Variants in IQSEC1 observed in about 807,000 individuals in gnomAD.
The protein encoded by IQSEC1 is IQ motif and SEC7 domain-containing protein 1.
In IQSEC1, 31 loss-of-function variants were observed where a neutral mutation model predicts 91.0. That is an observed-to-expected ratio of 0.34 (90% confidence interval 0.26 to 0.46). The LOEUF is 0.46. Among genes scored for constraint, IQSEC1 ranks in the 20% least tolerant of loss-of-function variants. The pLI is 1.00. For missense variants in IQSEC1, 1,388 were observed against 1,575.6 expected (o/e 0.88, Z 2.02); for synonymous variants, 699 against 662.6 (o/e 1.05, Z -0.84).
chr3:13,202,871 TC>T (rs1399028856), intron 1 of IQSEC1, among the ~76,000 whole-genome samples: 2 of 152,188 alleles, frequency 1.3e-5, no homozygotes, highest in Non-Finnish European at 2.9e-5. Context: ...ACTGTTAATG[TC>T]CTTTACGCGT....
intron 1 of IQSEC1, among the ~76,000 whole-genome samples, chr3:13,270,000 T>TA (rs1334379570): frequency 6.6e-6 from 1 of 152,158 alleles, no homozygotes; most frequent in Admixed American, 6.5e-5. Context: ...TGGGGGCCCC[T>TA]AGGCCACCAG....
Position 13,154,450 on chromosome 3 carries a change from T to TACACACACATAC in IQSEC1, c.302+9653_302+9654insGTATGTGTGTGT, listed in dbSNP as rs1559265492. ...TGGAACTTACATGCATATATATATATATATATATATATATATATATATATA... is the reference window on the plus strand; with the variant it reads ...TGGAACTTACATGCATATATATATATACACACACATACATATATATATATATATATATATATA... On this transcript the variant is annotated intron_variant, in intron 2 of 15. Transcript: ENST00000648114. Among the ~76,000 whole-genome samples, 16 of 99,836 alleles carry TACACACACATAC rather than the reference T, an allele frequency of 1.6e-4. 4 individuals carry two copies. Among genetic ancestry groups the TACACACACATAC allele is most frequent in the African/African-American group, 5.9e-4 (15 of 25,514 alleles). 65.5% of individuals were successfully genotyped at this position (99,836 alleles called of 152,430 possible).
chr3:13,128,650 G>A (rs1013929454), intron 2 of IQSEC1, among the ~76,000 whole-genome samples: 1 of 152,084 alleles, frequency 6.6e-6, no homozygotes, highest in African/African-American at 2.4e-5. Flanking sequence ...CGGATCACGA[G>A]GTCAGGAGAT....
At chr3:12,943,426 G>A (rs186411770) in intron 1 of IQSEC1, among the ~76,000 whole-genome samples, 2 of 152,274 alleles carry the variant, frequency 1.3e-5, no homozygotes, top group East Asian at 1.9e-4. Context: ...GGAAGGGAGC[G>A]AGTTATGTCA....
At chr3:13,055,716 C>A (rs1009846803) in intron 1 of IQSEC1, among the ~76,000 whole-genome samples, 1 of 152,192 alleles carries the variant, frequency 6.6e-6, no homozygotes, top group Non-Finnish European at 1.5e-5. Flanking sequence ...CCCACTAACC[C>A]GGTCCAGAGC....
At chr3:13,138,554 T>A (rs994026469) in intron 2 of IQSEC1, among the ~76,000 whole-genome samples, 6 of 151,972 alleles carry the variant, frequency 3.9e-5, no homozygotes, top group African/African-American at 1.5e-4. Context: ...CTCCTGGTAG[T>A]CCTATGCTGC....
At chr3:13,135,686 G>GCCT (rs1241514623) in intron 2 of IQSEC1, among the ~76,000 whole-genome samples, 4 of 152,198 alleles carry the variant, frequency 2.6e-5, no homozygotes, top group Non-Finnish European at 5.9e-5. Flanking sequence ...CGACACAGAC[G>GCCT]CCTCACTGTG....
intron 2 of IQSEC1, among the ~76,000 whole-genome samples, chr3:13,163,952 C>T (rs1231458698): frequency 3.3e-5 from 5 of 152,148 alleles, no homozygotes; most frequent in Non-Finnish European, 7.4e-5. Context: ...ATGCCCAGGC[C>T]CTTGGGGCAC....
chr3:13,186,580 C>T (rs1373960979), intron 1 of IQSEC1, among the ~76,000 whole-genome samples: 1 of 152,206 alleles, frequency 6.6e-6, no homozygotes, highest in Non-Finnish European at 1.5e-5. Context: ...TGAGGACCGC[C>T]TACAGCTGCC....
At chr3:13,055,862 C>A (rs1265143624) in intron 1 of IQSEC1, among the ~76,000 whole-genome samples, 3 of 152,286 alleles carry the variant, frequency 2.0e-5, no homozygotes, top group Admixed American at 2.0e-4. Flanking sequence ...AGGGTCCAGG[C>A]CCGGGGTGGG....
chr3:12,987,389 A>C (rs1701791258), intron 1 of IQSEC1, among the ~76,000 whole-genome samples: 1 of 152,224 alleles, frequency 6.6e-6, no homozygotes, highest in Non-Finnish European at 1.5e-5. Flanking sequence ...GCCACCTGGG[A>C]ATGGGTATAT....
At chr3:13,101,128 C>A (rs1484147466) in intron 2 of IQSEC1, among the ~76,000 whole-genome samples, 1 of 152,072 alleles carries the variant, frequency 6.6e-6, no homozygotes, top group Non-Finnish European at 1.5e-5. Flanking sequence ...CTAAGCGCAG[C>A]GAGGAGCCAT....
chr3:12,935,607 T>C lies in IQSEC1; in HGVS notation c.1409A>G (p.Asn470Ser). The change falls in exon 3 of 14, where the codon AAC (asparagine) becomes AGC (serine). Residue 470 changes from asparagine (N) to serine (S), a missense_variant. Asn to Ser is a conservative substitution (Grantham distance 46). Transcript: ENST00000613206. This position sits in a 1 kb window ranked among gnomAD's most constrained non-coding sequence, Gnocchi z 8.0. ...ACGGGACGATGACTCGGAGCTGCAG[T>C]TGATGGTATCGTTGGAGTTGGACGT... ...NSTSNSNDTINCSSESSSRDS... is the reference protein window; with the variant it reads ...NSTSNSNDTISCSSESSSRDS... 1.2e-6 allele frequency: 2 copies of C among 1,614,138 alleles called. No individual in the cohort carries two copies. The highest frequency in any genetic ancestry group is 1.7e-6 in the Non-Finnish European group (2 of 1,180,030).
intron 1 of IQSEC1, among the ~76,000 whole-genome samples, chr3:13,042,740 C>A (rs768705054): frequency 6.6e-6 from 1 of 152,104 alleles, no homozygotes. Context: ...GGGCTCCTGA[C>A]GGTGGCTCTG....
intron 1 of IQSEC1, among the ~76,000 whole-genome samples, chr3:12,956,902 C>T (rs751408663): frequency 8.5e-5 from 13 of 152,336 alleles, no homozygotes; most frequent in South Asian, 8.3e-4. Context: ...GCTTGCCCAA[C>T]GGGAGCGTGG....
chr3:13,054,217 G>C (rs142275162), intron 1 of IQSEC1, among the ~76,000 whole-genome samples: 1 of 152,312 alleles, frequency 6.6e-6, no homozygotes, highest in East Asian at 1.9e-4. Flanking sequence ...CTCTCCTTTA[G>C]GACCAATTCC....
At chr3:13,174,806 G>C (rs986591852) in intron 1 of IQSEC1, among the ~76,000 whole-genome samples, 1 of 151,352 alleles carries the variant, frequency 6.6e-6, no homozygotes, top group Non-Finnish European at 1.5e-5. Context: ...CATCACCTGG[G>C]CTGGAGCCCA....
chr3:12,976,594 A>T (rs187237716), intron 1 of IQSEC1, among the ~76,000 whole-genome samples: 11 of 152,196 alleles, frequency 7.2e-5, no homozygotes, highest in Non-Finnish European at 1.5e-4. Context: ...CTTCCTCGGG[A>T]CCTTCCTGAA....
intron 1 of IQSEC1, among the ~76,000 whole-genome samples, chr3:13,231,265 G>A (rs1196598559): frequency 5.3e-5 from 8 of 152,266 alleles, no homozygotes; most frequent in East Asian, 1.9e-4. Flanking sequence ...TTGAAGTCCC[G>A]TGCGTGTGTG....
Sources: allele counts gnomAD v4.1 joint callset (sites outside exome capture counted in the v4.1 genomes callset), GRCh38; gene constraint gnomAD v4.1.1; non-coding constraint Gnocchi (gnomAD v3.1); transcripts MANE v1.5; gene names NCBI Gene and HGNC (gene_info 2026-07-23, HGNC 2026-07-21).